The following PLXDC1 variants were observed in gnomAD, a reference collection of about 807,000 sequenced individuals.
PLXDC1 encodes plexin domain-containing protein 1.
Under a neutral mutation model 61.3 loss-of-function variants are expected in PLXDC1, and 39 were observed. That is an observed-to-expected ratio of 0.64 (90% CI 0.49 to 0.83). The LOEUF (loss-of-function observed/expected upper bound fraction) is 0.83. PLXDC1 is among the 40% of genes least tolerant of loss of function. The pLI, the probability that PLXDC1 is intolerant of heterozygous loss-of-function variation, is 0.00. For synonymous variants in PLXDC1, 212 were observed against 254.5 expected (o/e 0.83, Z 1.59); for missense variants, 596 against 666.5 (o/e 0.89, Z 1.17).
rs1239675170 is a variant in PLXDC1, at chr17:39,083,510, C to G, written c.938G>C (p.Cys313Ser). The G allele has an allele frequency of 6.2e-7, 1 of 1,613,532 alleles. No homozygotes were observed. Among genetic ancestry groups the G allele is most frequent in the South Asian group, 1.1e-5 (1 of 90,886 alleles). Reference protein sequence around the residue: ...TCLQHRSCDACMSSDLTFNCS... With the variant: ...TCLQHRSCDASMSSDLTFNCS... ...GTTGAAGGTCAGGTCTGAGGACATGCAGGCGTCACAGCTCCTATGCTGCAG... is the reference window on the plus strand; with the variant it reads ...GTTGAAGGTCAGGTCTGAGGACATGGAGGCGTCACAGCTCCTATGCTGCAG... Residue 313 changes from cysteine (C) to serine (S), a missense_variant, in exon 9 of 14, where the codon TGC becomes TCC. By Grantham distance (112) the Cys-to-Ser change is moderately radical (BLOSUM62 -1). Transcript: ENST00000315392.
upstream of PLXDC1, chr17:39,152,770 TAAAAA>T (rs34433195): frequency 7.8e-6 from 5 of 643,598 alleles, no homozygotes; most frequent in African/African-American, 2.2e-5. Context: ...GCACTGAGGT[TAAAAA>T]AAAAAAAAAG....
intron 7 of PLXDC1, among the ~76,000 whole-genome samples, chr17:39,097,902 T>TAAAA (rs71141758): frequency 4.9e-5 from 5 of 102,694 alleles, no homozygotes; most frequent in African/African-American, 1.6e-4. Flanking sequence ...ACCCTGTCTA[T>TAAAA]AAAAAAAAAA....
intron 7 of PLXDC1, among the ~76,000 whole-genome samples, chr17:39,098,503 G>C (rs969804046): frequency 1.6e-4 from 24 of 152,178 alleles, no homozygotes; most frequent in African/African-American, 4.8e-4. Flanking sequence ...TGCCCACTGG[G>C]CTCACTGCTG....
intron 2 of PLXDC1, among the ~76,000 whole-genome samples, chr17:39,138,318 A>G (rs1463243582): frequency 6.6e-6 from 1 of 152,212 alleles, no homozygotes; most frequent in East Asian, 1.9e-4. Flanking sequence ...AAGCAAGGGC[A>G]GGAGAGGGGG....
At chr17:39,129,777 AAAAGAAAGAAAGAG>A (rs1212359875) in intron 2 of PLXDC1, among the ~76,000 whole-genome samples, 4 of 116,638 alleles carry the variant, frequency 3.4e-5, no homozygotes, top group Admixed American at 2.4e-4. Context: ...GAGAGAAAGA[AAAAGAAAGAAAGAG>A]AAAGAAAGAA....
At chr17:39,146,948 A>ATTTT (rs869300584) in intron 1 of PLXDC1, among the ~76,000 whole-genome samples, 13 of 74,682 alleles carry the variant, frequency 1.7e-4, no homozygotes, top group East Asian at 4.3e-4. Flanking sequence ...ACAGGAAATG[A>ATTTT]TTTTTTTTTT....
At chr17:39,114,247 G>T (rs1910897792) in intron 2 of PLXDC1, among the ~76,000 whole-genome samples, 1 of 152,108 alleles carries the variant, frequency 6.6e-6, no homozygotes, top group South Asian at 2.1e-4. Context: ...TGGTGGTCTG[G>T]CCCCAACTCA....
At chr17:39,139,858 G>A in intron 1 of PLXDC1, 26 bp from the exon 2 acceptor site, 4 of 1,577,302 alleles carry the variant, frequency 2.5e-6, no homozygotes, top group Non-Finnish European at 3.5e-6. Flanking sequence ...AGAAACCTGA[G>A]TGCCAGCAGT....
At chr17:39,112,865 C>A (rs947017094) in intron 2 of PLXDC1, 1 of 152,120 alleles carries the variant, frequency 6.6e-6, no homozygotes, top group Non-Finnish European at 1.5e-5. Flanking sequence ...AACGAGTGGC[C>A]CACCTTAGCC....
chr17:39,115,253 G>A (rs1017754206), intron 2 of PLXDC1, among the ~76,000 whole-genome samples: 3 of 152,220 alleles, frequency 2.0e-5, no homozygotes, highest in Admixed American at 1.3e-4. Context: ...GAAATGAAAC[G>A]AGCTGCTGCC....
chr17:39,068,811 G>A (rs550089242), intron 13 of PLXDC1, among the ~76,000 whole-genome samples: 1 of 152,320 alleles, frequency 6.6e-6, no homozygotes, highest in South Asian at 2.1e-4. Context: ...CTAAGAAACT[G>A]GGGGAATGAC....
At chr17:39,100,852 C>T (rs377657721) in intron 7 of PLXDC1, among the ~76,000 whole-genome samples, 5 of 152,080 alleles carry the variant, frequency 3.3e-5, no homozygotes, top group East Asian at 1.9e-4. Flanking sequence ...GGACTGGGAG[C>T]GCAGGGGGCT....
At chr17:39,111,722 G>C (rs1305537288) in intron 2 of PLXDC1, 1 of 152,234 alleles carries the variant, frequency 6.6e-6, no homozygotes, top group Non-Finnish European at 1.5e-5. Context: ...AGAGTTACAT[G>C]GGGCCACTCT....
chr17:39,071,603 A>G (rs903057249), intron 12 of PLXDC1, among the ~76,000 whole-genome samples: 2 of 152,122 alleles, frequency 1.3e-5, no homozygotes, highest in Admixed American at 1.3e-4. Context: ...CTGGATGGCA[A>G]TCAGCCCGCA....
At chr17:39,131,007 G>T (rs1260426794) in intron 2 of PLXDC1, among the ~76,000 whole-genome samples, 1 of 152,172 alleles carries the variant, frequency 6.6e-6, no homozygotes, top group East Asian at 1.9e-4. Flanking sequence ...ACCACCTGGG[G>T]CTGAGTAGCC....
intron 8 of PLXDC1, among the ~76,000 whole-genome samples, chr17:39,086,878 A>AAAAAAAG (rs1298383783): frequency 6.6e-6 from 1 of 150,742 alleles, no homozygotes; most frequent in East Asian, 2.0e-4. Context: ...AAAAAAAAAA[A>AAAAAAAG]AAGAAGAAGA....
rs1908838131 is a variant in PLXDC1, at chr17:39,064,929, G to C, written c.*2911C>G. 1 of 152,244 alleles carries C rather than the reference G, an allele frequency of 6.6e-6. No homozygotes were observed. Among genetic ancestry groups the C allele is most frequent in the African/African-American group, 2.4e-5 (1 of 41,452 alleles). 9.4% of individuals were successfully genotyped at this position (152,244 alleles called of 1,614,324 possible). On this transcript the variant is annotated 3_prime_UTR_variant, in exon 14 of 14. Coordinates refer to ENST00000315392, the MANE Select transcript of PLXDC1 (RefSeq NM_020405.5). ...AGCAGAGCATTTACCACCTGTGTGT[G>C]TCTCAAATGGCCAGTGGGGCAGTTC...
chr17:39,110,292 C>G (rs905076742), intron 2 of PLXDC1, among the ~76,000 whole-genome samples: 38 of 152,106 alleles, frequency 2.5e-4, no homozygotes, highest in Non-Finnish European at 3.7e-4. Context: ...ACAGCATCAC[C>G]AGGGTGGTGG....
At position 39,077,975 on chromosome 17, in the gene PLXDC1, G is replaced by A; in HGVS notation, c.1124C>T (p.Pro375Leu). ...GGTAGTGGTGAGGTCTCCATCATAGGGGCTGAAGGAAGTGTCAGGGGAGGC... is the reference window on the plus strand; with the variant it reads ...GGTAGTGGTGAGGTCTCCATCATAGAGGCTGAAGGAAGTGTCAGGGGAGGC... ...DSASPDTSFS[P>L]YDGDLTTTSS... The change falls in exon 11 of 14, where the codon CCC (proline) becomes CTC (leucine). Residue 375 changes from proline (P) to leucine (L), a missense_variant. Transcript: ENST00000315392. 10 of 1,613,806 alleles carry A rather than the reference G, an allele frequency of 6.2e-6. 1 individual carries two copies. Among genetic ancestry groups the A allele is most frequent in the Non-Finnish European group, 8.5e-6 (10 of 1,179,716 alleles).
Sources: allele counts gnomAD v4.1 joint callset (sites outside exome capture counted in the v4.1 genomes callset), GRCh38; gene constraint gnomAD v4.1.1; transcripts MANE v1.5; gene names NCBI Gene and HGNC (gene_info 2026-07-23, HGNC 2026-07-21).